The following SBF2 variants were observed in gnomAD, a reference collection of about 807,000 sequenced individuals.
SBF2 encodes myotubularin-related protein 13.
SBF2 carries 112 observed loss-of-function variants against 225.2 expected under a neutral mutation model. The observed-to-expected ratio is 0.50, with a 90% CI of 0.43 to 0.58. The LOEUF (loss-of-function observed/expected upper bound fraction) is 0.58, where lower values mean the gene tolerates loss of function less well. Among genes scored for constraint, SBF2 ranks in the 20% least tolerant of loss-of-function variants. The pLI is 0.00. For missense variants in SBF2, 1,996 were observed against 2,206.2 expected, an observed-to-expected ratio of 0.90 and a Z score of 1.91; for synonymous variants, 763 against 773.3, an observed-to-expected ratio of 0.99 and a Z score of 0.22.
At chr11:10,224,113 T>C (rs1325617572) in intron 1 of SBF2, among the ~76,000 whole-genome samples, 2 of 152,166 alleles carry the variant, frequency 1.3e-5, no homozygotes, top group African/African-American at 2.4e-5. Flanking sequence ...TTATATTTTA[T>C]GTATTCATGC....
At chr11:10,295,433 C>G (rs1247405190), upstream of SBF2, among the ~76,000 whole-genome samples, 1 of 152,156 alleles carries the variant, frequency 6.6e-6, no homozygotes, top group Non-Finnish European at 1.5e-5. Flanking sequence ...ACACTTGTTT[C>G]ATCTACAAAT....
At chr11:9,804,488 A>G (rs927823795) in intron 32 of SBF2, among the ~76,000 whole-genome samples, 3 of 152,216 alleles carry the variant, frequency 2.0e-5, no homozygotes, top group African/African-American at 7.2e-5. Context: ...CTTTAAGTGT[A>G]TAGTTTTATT....
intron 22 of SBF2, 62 bp from the exon 23 acceptor site, chr11:9,847,145 A>G: frequency 6.3e-7 from 1 of 1,586,544 alleles, no homozygotes; most frequent in South Asian, 1.1e-5. Flanking sequence ...TAGAGTGTCT[A>G]CTGCTTACTT....
At chr11:10,256,423 A>C (rs1341545342) in intron 1 of SBF2, among the ~76,000 whole-genome samples, 1 of 152,232 alleles carries the variant, frequency 6.6e-6, no homozygotes, top group Non-Finnish European at 1.5e-5. Flanking sequence ...TATTGGACAG[A>C]GTTCCTGGGC....
intron 6 of SBF2, among the ~76,000 whole-genome samples, chr11:10,024,546 G>T (rs1948979178): frequency 6.6e-6 from 1 of 152,096 alleles, no homozygotes; most frequent in South Asian, 2.1e-4. Context: ...GCAGGTCACA[G>T]CAAGCATCTC....
intron 1 of SBF2, among the ~76,000 whole-genome samples, chr11:10,285,932 A>G (rs2135572048): frequency 6.6e-6 from 1 of 152,330 alleles, no homozygotes; most frequent in Non-Finnish European, 1.5e-5. Flanking sequence ...AAGCACCCGA[A>G]AAGGTGTTCA....
rs141631188 is a variant in SBF2 at position 10,259,030 on chromosome 11, C to G, written c.55+34985G>C. 7.2e-5 allele frequency among the ~76,000 whole-genome samples: 11 copies of G among 152,292 alleles called. No individual in the cohort carries two copies. In the South Asian group the frequency reaches 2.1e-3, roughly 29 times the overall value. ...GGAGCTAGTTGTAGCTCCTGGGAAC[C>G]TAGTCCTTGGACTTCTATGAGATCT... is the stretch of plus-strand genomic sequence containing the variant. On this transcript the variant is annotated intron_variant, in intron 1 of 39. Transcript: ENST00000256190.
intron 6 of SBF2, among the ~76,000 whole-genome samples, chr11:10,020,416 G>C (rs1374507983): frequency 6.6e-6 from 1 of 152,070 alleles, no homozygotes; most frequent in East Asian, 1.9e-4. Flanking sequence ...GGAAGAATCA[G>C]GGGAGGAGAA....
intron 22 of SBF2, among the ~76,000 whole-genome samples, chr11:9,848,719 A>T (rs1856722490): frequency 6.6e-6 from 1 of 152,282 alleles, no homozygotes; most frequent in Non-Finnish European, 1.5e-5. Context: ...TTTACTTTCA[A>T]ATACAATTTG....
rs1242195682 is a variant in SBF2, at chr11:10,293,997, G to T, written c.55+18C>A. The stretch of plus-strand genomic sequence containing the variant: ...GGGGGCGGGGAGGCCCGGGGGCGGT[G>T]CCGCCCCACACCCTTACCTGGCTTC... On this transcript the variant is annotated intron_variant, in intron 1 of 39. Coordinates refer to ENST00000256190, the MANE Select transcript of SBF2 (RefSeq NM_030962.4). 7.4e-7 allele frequency: 1 copy of T among 1,360,228 alleles called. No individual in the cohort carries two copies. The highest frequency in any genetic ancestry group is 1.8e-5 in the South Asian group (1 of 54,762). 84.3% of individuals were successfully genotyped at this position (1,360,228 alleles called of 1,614,324 possible).
chr11:10,082,565 G>A (rs1273501610), intron 2 of SBF2, among the ~76,000 whole-genome samples: 2 of 152,104 alleles, frequency 1.3e-5, no homozygotes, highest in African/African-American at 4.8e-5. Flanking sequence ...TTCCCGGGAT[G>A]CAAAAATGGC....
chr11:9,840,252 C>CAAA (rs373616505), intron 25 of SBF2, among the ~76,000 whole-genome samples: 25,161 of 97,464 alleles, frequency 0.26, 2,878 homozygotes, highest in Non-Finnish European at 0.34. Context: ...CCCCCAGCCG[C>CAAA]AAAAAAAAAA....
At chr11:10,160,055 T>C (rs187531625) in intron 2 of SBF2, among the ~76,000 whole-genome samples, 6 of 152,232 alleles carry the variant, frequency 3.9e-5, no homozygotes, top group East Asian at 3.9e-4. Flanking sequence ...GGTGAACCCC[T>C]TGGGCAGTTA....
At chr11:10,213,231 C>T (rs1485098856) in intron 1 of SBF2, among the ~76,000 whole-genome samples, 1 of 152,116 alleles carries the variant, frequency 6.6e-6, no homozygotes, top group Admixed American at 6.5e-5. Context: ...TAGTAGAGAA[C>T]ACCCATCTTG....
chr11:9,984,125 T>C (rs1006717726), intron 13 of SBF2, among the ~76,000 whole-genome samples: 3 of 152,108 alleles, frequency 2.0e-5, no homozygotes, highest in Admixed American at 6.5e-5. Context: ...GTTACTAAGC[T>C]AATGAGGGAG....
intron 2 of SBF2, among the ~76,000 whole-genome samples, chr11:10,183,846 G>A (rs1330295882): frequency 6.6e-6 from 1 of 152,222 alleles, no homozygotes; most frequent in African/African-American, 2.4e-5. Flanking sequence ...AAGGATGTGG[G>A]GAGGGAAGGA....
intron 1 of SBF2, among the ~76,000 whole-genome samples, chr11:10,279,848 A>G (rs542416776): frequency 3.9e-5 from 6 of 152,212 alleles, no homozygotes; most frequent in African/African-American, 1.4e-4. Flanking sequence ...CAGGGGTTTC[A>G]CCATGTTTGT....
At chr11:9,865,849 C>T (rs1488966895) in intron 17 of SBF2, among the ~76,000 whole-genome samples, 1 of 152,054 alleles carries the variant, frequency 6.6e-6, no homozygotes, top group Non-Finnish European at 1.5e-5. Context: ...TGTTTTTCAA[C>T]TACTGCACAA....
intron 17 of SBF2, among the ~76,000 whole-genome samples, chr11:9,886,713 T>C (rs980471699): frequency 3.3e-5 from 5 of 150,014 alleles, no homozygotes; most frequent in Non-Finnish European, 7.4e-5. Context: ...TTTTTTTGCC[T>C]ATAATATTTA....
Sources: gnomAD v4.1 joint callset for allele counts (sites outside exome capture counted in the v4.1 genomes callset) on GRCh38, gnomAD v4.1.1 for gene constraint, MANE v1.5 for transcripts, NCBI Gene and HGNC (gene_info 2026-07-23, HGNC 2026-07-21) for gene names.